ITPR1: variants seen among roughly 807,000 people sequenced by gnomAD.
ITPR1 encodes inositol 1,4,5-trisphosphate-gated calcium channel ITPR1.
A neutral mutation model predicts 318.4 loss-of-function variants in ITPR1; 96 were observed. The observed-to-expected ratio is 0.30, with a 90% CI of 0.26 to 0.36. ITPR1 has a LOEUF of 0.36. Ranked by LOEUF, ITPR1 falls within the 10% of genes least tolerant of loss-of-function variation. The pLI is 1.00. For synonymous variants in ITPR1, 1,312 were observed against 1,289.9 expected, an observed-to-expected ratio of 1.02 and a Z score of -0.37; for missense variants, 2,440 against 3,460.2, an observed-to-expected ratio of 0.71 and a Z score of 7.40.
chr3:4,636,510 C>G (rs2093194763), intron 5 of ITPR1, among the ~76,000 whole-genome samples: 1 of 152,188 alleles, frequency 6.6e-6, no homozygotes, highest in Admixed American at 6.5e-5. Flanking sequence ...CTCTTTGCAA[C>G]CTCCGCTTCC....
chr3:4,718,464 T>C (rs2041926444), intron 40 of ITPR1, among the ~76,000 whole-genome samples: 1 of 152,208 alleles, frequency 6.6e-6, no homozygotes, highest in South Asian at 2.1e-4. Flanking sequence ...CAGATATCCC[T>C]AAGGAGGGTT....
chr3:4,549,461 G>T (rs2085338994), intron 4 of ITPR1, among the ~76,000 whole-genome samples: 1 of 152,114 alleles, frequency 6.6e-6, no homozygotes, highest in African/African-American at 2.4e-5. Flanking sequence ...ACAAACATCA[G>T]CCCTTGAATT....
At chr3:4,528,492 A>G (rs1331396681) in intron 4 of ITPR1, among the ~76,000 whole-genome samples, 1 of 152,156 alleles carries the variant, frequency 6.6e-6, no homozygotes, top group Non-Finnish European at 1.5e-5. Flanking sequence ...CATTGTTTTA[A>G]ATGTTGCTAA....
chr3:4,605,457 G>A (rs1054736750), intron 4 of ITPR1, among the ~76,000 whole-genome samples: 2 of 152,074 alleles, frequency 1.3e-5, no homozygotes, highest in African/African-American at 2.4e-5. Flanking sequence ...TAAAAGCATA[G>A]GATCAGTATT....
Position 4,663,121 on chromosome 3 carries a change from C to T in ITPR1, c.1469C>T (p.Ser490Phe). The change falls in exon 16 of 62, where the codon TCT becomes TTT. Residue 490 changes from serine (S) to phenylalanine (F), a missense_variant. Around this residue, in one of 23 missense-constraint regions of ITPR1, gnomAD observed 478 missense variants for 696.3 expected, o/e 0.69. Transcript: ENST00000649015. ...LVYFVTGGTN[S>F]GQDVLEVVFS... ...TACTTCGTCACTGGTGGAACTAATT[C>T]TGGTCAAGATGTTCTCGAAGTTGTC... is the stretch of plus-strand genomic sequence containing the variant. 6.2e-7 allele frequency: 1 copy of T among 1,613,772 alleles called. No homozygotes were observed. Among genetic ancestry groups the T allele is most frequent in the Non-Finnish European group, 8.5e-7 (1 of 1,179,716 alleles).
At chr3:4,550,932 G>T (rs2085502420) in intron 4 of ITPR1, among the ~76,000 whole-genome samples, 1 of 151,956 alleles carries the variant, frequency 6.6e-6, no homozygotes, top group Admixed American at 6.6e-5. Flanking sequence ...GTTGAAGATT[G>T]AGATGACTCC....
At chr3:4,638,080 A>G (rs977551983) in intron 5 of ITPR1, among the ~76,000 whole-genome samples, 1 of 152,172 alleles carries the variant, frequency 6.6e-6, no homozygotes, top group African/African-American at 2.4e-5. Context: ...AGGACAAGAT[A>G]ATGAAGCCGG....
At chr3:4,553,174 CT>C (rs1204081933) in intron 4 of ITPR1, among the ~76,000 whole-genome samples, 1 of 152,084 alleles carries the variant, frequency 6.6e-6, no homozygotes, top group East Asian at 1.9e-4. Flanking sequence ...AGTAGAAAAA[CT>C]TACGGAGAAG....
intron 6 of ITPR1, among the ~76,000 whole-genome samples, chr3:4,639,965 A>G (rs961757535): frequency 6.6e-5 from 10 of 152,104 alleles, no homozygotes; most frequent in Admixed American, 1.3e-4. Flanking sequence ...TTTCATGTCT[A>G]CTCTCATGGG....
intron 11 of ITPR1, among the ~76,000 whole-genome samples, 176 bp from the exon 12 acceptor site, chr3:4,653,666 G>A (rs902725328): frequency 6.6e-6 from 1 of 152,156 alleles, no homozygotes; most frequent in Non-Finnish European, 1.5e-5. Context: ...TTCCATGTGT[G>A]CTGTACCCAT....
rs138567991 is a variant in ITPR1, at chr3:4,599,409, A to G, written c.164-28354A>G. Among the ~76,000 whole-genome samples the G allele has an allele frequency of 3.7e-4, 56 of 152,342 alleles. 1 individual carries two copies. In the East Asian group the frequency reaches 9.4e-3, roughly 26 times the overall value. On this transcript the variant is annotated intron_variant, in intron 4 of 61. Coordinates refer to ENST00000649015, the MANE Select transcript of ITPR1 (RefSeq NM_001378452.1). Reference sequence around the variant, plus strand: ...TTGGGAGATTTTACATAAAAAACAAATTTCTGGCTTTTGGGGGAAAATGCA... The same window carrying G: ...TTGGGAGATTTTACATAAAAAACAAGTTTCTGGCTTTTGGGGGAAAATGCA...
In ITPR1 at chr3:4,636,080, G is replaced by A. The variant is rs182831651; in HGVS notation, c.280-3304G>A. Among the ~76,000 whole-genome samples the A allele has an allele frequency of 5.3e-3, 803 of 151,254 alleles. 14 individuals are homozygous for A. The highest frequency in any genetic ancestry group is 0.018 in the African/African-American group (749 of 41,208). On this transcript the variant is annotated intron_variant, in intron 5 of 61. Coordinates refer to ENST00000649015, the MANE Select transcript of ITPR1 (RefSeq NM_001378452.1). ...TCTCCATGTTGGTCAGGCTGGTCTC[G>A]AACTCCCGACCTCACGTGATCCGCC...
At chr3:4,811,199 A>G in intron 55 of ITPR1, 66 bp from the exon 56 acceptor site, 1 of 1,185,708 alleles carries the variant, frequency 8.4e-7, no homozygotes, top group South Asian at 1.8e-5. Context: ...CCAAGTTTGC[A>G]TTATGGGATA....
intron 4 of ITPR1, among the ~76,000 whole-genome samples, chr3:4,543,855 A>C (rs1267559895): frequency 6.6e-6 from 1 of 152,218 alleles, no homozygotes; most frequent in African/African-American, 2.4e-5. Flanking sequence ...AGAGATAGGC[A>C]ATATCTTATG....
In ITPR1 at chr3:4,725,549, C is replaced by T; in HGVS notation, c.5140C>T (p.Pro1714Ser). 2 of 1,599,150 alleles carry T rather than the reference C, an allele frequency of 1.3e-6. No homozygotes were observed. The highest frequency in any genetic ancestry group is 1.7e-6 in the Non-Finnish European group (2 of 1,179,562). The change falls in exon 41 of 62, where the codon CCT (proline) becomes TCT (serine). Residue 1714 changes from proline to serine, a missense_variant. Pro to Ser is a moderately conservative substitution (Grantham distance 74, BLOSUM62 -1). This residue lies in a region of ITPR1 where 166 missense variants were observed against 143.7 expected (regional missense o/e 1.16). Transcript: ENST00000649015. The part of the protein sequence containing the change: ...SIDELDNAEL[P>S]PAPDSENATE... Reference sequence around the variant, plus strand: ...ACTTCGTTTTACTCCCAATTAGCTTCCTCCAGCTCCGGATTCTGAGAACGC... The same window carrying T: ...ACTTCGTTTTACTCCCAATTAGCTTTCTCCAGCTCCGGATTCTGAGAACGC...
chr3:4,813,386 G>A (rs1025437243), intron 57 of ITPR1, among the ~76,000 whole-genome samples, 152 bp downstream of exon 57: 1 of 152,210 alleles, frequency 6.6e-6, no homozygotes, highest in African/African-American at 2.4e-5. Context: ...GAGATGAAGG[G>A]AAAAGAAGGT....
At chr3:4,610,914 T>TCCTTCC (rs2092040714) in intron 4 of ITPR1, among the ~76,000 whole-genome samples, 1 of 74,446 alleles carries the variant, frequency 1.3e-5, no homozygotes, top group African/African-American at 5.9e-5. Context: ...CTTCTCCTTC[T>TCCTTCC]CCTTCCCTTC....
At chr3:4,689,265 G>C (rs912341534) in intron 31 of ITPR1, among the ~76,000 whole-genome samples, 1 of 152,180 alleles carries the variant, frequency 6.6e-6, no homozygotes, top group African/African-American at 2.4e-5. Context: ...GGCAATGTCT[G>C]ATTTTTAACT....
chr3:4,704,406 C>G lies in ITPR1; in HGVS notation c.4657+1456C>G, dbSNP rs76977604. 9.3e-3 allele frequency among the ~76,000 whole-genome samples: 1,420 copies of G among 152,320 alleles called. 15 individuals are homozygous for G. The highest frequency in any genetic ancestry group is 0.03 in the African/African-American group (1,260 of 41,562). ...CAGCCTGGGCGACAGGAGCGCAACTCTGTCTCAAAAAAACAAAAAAATCCC... is the reference window on the plus strand; with the variant it reads ...CAGCCTGGGCGACAGGAGCGCAACTGTGTCTCAAAAAAACAAAAAAATCCC... On this transcript the variant is annotated intron_variant, in intron 36 of 61. Coordinates refer to ENST00000649015, the MANE Select transcript of ITPR1 (RefSeq NM_001378452.1).
Sources: allele counts gnomAD v4.1 joint callset (sites outside exome capture counted in the v4.1 genomes callset), GRCh38; gene constraint gnomAD v4.1.1; regional missense constraint gnomAD v4.1.1; transcripts MANE v1.5; gene names NCBI Gene and HGNC (gene_info 2026-07-23, HGNC 2026-07-21).